The following VSIG10 variants were observed in gnomAD, a reference collection of about 807,000 sequenced individuals.
The protein encoded by VSIG10 is V-set and immunoglobulin domain-containing protein 10.
VSIG10 carries 48 observed loss-of-function variants against 58.7 expected under a neutral mutation model. That is an observed-to-expected ratio of 0.82 (90% CI 0.65 to 1.04). The LOEUF is 1.04. Among genes scored for constraint, VSIG10 ranks in the 50% least tolerant of loss-of-function variants. The probability of loss-of-function intolerance (pLI) is 0.00; values close to 1 mark genes in which losing one functional copy is unlikely to be tolerated. For missense variants in VSIG10, 628 were observed against 670.0 expected (o/e 0.94, Z 0.69); for synonymous variants, 260 against 267.1 (o/e 0.97, Z 0.26).
At chr12:118,066,835 G>T in intron 8 of VSIG10, 141 bp from the exon 9 acceptor site, 3 of 888,226 alleles carry the variant, frequency 3.4e-6, no homozygotes, top group Admixed American at 5.0e-5. Flanking sequence ...GTAGGGCAGC[G>T]TGTGTTTTCC....
chr12:118,083,861 C>A (rs1333057135), intron 2 of VSIG10, among the ~76,000 whole-genome samples: 2 of 151,984 alleles, frequency 1.3e-5, no homozygotes, highest in African/African-American at 4.8e-5. Flanking sequence ...GTGGCTCATG[C>A]CTGCAATCCT....
At position 118,066,492 on chromosome 12, in the gene VSIG10, CTTGGT is replaced by C. The variant is rs1452099484; in HGVS notation, c.*142_*146del. On this transcript the variant is annotated 3_prime_UTR_variant, in exon 9 of 9. Coordinates refer to ENST00000359236, the MANE Select transcript of VSIG10 (RefSeq NM_019086.6). ...ATACATGGAAGGAAAGATGTGTGTG[CTTGGT>C]TTTGTTTTTTGCTGAGACCCAAACA... 3 of 769,416 alleles carry C rather than the reference CTTGGT, an allele frequency of 3.9e-6. No individual in the cohort carries two copies. Among genetic ancestry groups the C allele is most frequent in the Non-Finnish European group, 6.8e-6 (3 of 438,086 alleles). The allele number at this position is 769,416 out of a possible 1,614,324, so 47.7% of individuals were successfully genotyped here.
intron 1 of VSIG10, among the ~76,000 whole-genome samples, chr12:118,100,271 A>G (rs1229326283): frequency 2.6e-5 from 4 of 151,604 alleles, no homozygotes; most frequent in African/African-American, 7.3e-5. Flanking sequence ...TTGGGAGGCC[A>G]AGGTGGGCAA....
rs1285226770 is a variant in VSIG10 at position 118,064,111 on chromosome 12, T to C, written c.*2528A>G. The C allele has an allele frequency of 6.6e-6, 1 of 152,232 alleles. No homozygotes were observed. Among genetic ancestry groups the C allele is most frequent in the African/African-American group, 2.4e-5 (1 of 41,462 alleles). 9.4% of individuals were successfully genotyped at this position (152,232 alleles called of 1,614,324 possible). On this transcript the variant is annotated 3_prime_UTR_variant, in exon 9 of 9. Coordinates refer to ENST00000359236, the MANE Select transcript of VSIG10 (RefSeq NM_019086.6). Reference sequence around the variant, plus strand: ...ACAACTTGGACTTTGCCACACAAACTGTAATCCACTGTCAACAAGCTTGTG... The same window carrying C: ...ACAACTTGGACTTTGCCACACAAACCGTAATCCACTGTCAACAAGCTTGTG...
intron 1 of VSIG10, 108 bp from the exon 2 acceptor site, chr12:118,095,922 TC>T (rs377540853): frequency 8.3e-5 from 96 of 1,159,062 alleles, no homozygotes; most frequent in Non-Finnish European, 9.3e-5. Flanking sequence ...AGGTATATGT[TC>T]TTTTTTTTTT....
At chr12:118,082,872 G>A (rs543873286) in intron 2 of VSIG10, among the ~76,000 whole-genome samples, 72 of 151,626 alleles carry the variant, frequency 4.7e-4, no homozygotes, top group African/African-American at 1.7e-3. Flanking sequence ...CAGCACTTTA[G>A]GAGGCCAAGG....
Position 118,065,735 on chromosome 12 carries a change from T to C in VSIG10, c.*904A>G, listed in dbSNP as rs2032223679. The C allele has an allele frequency of 6.6e-6, 1 of 152,232 alleles. No individual in the cohort carries two copies. Among genetic ancestry groups the C allele is most frequent in the African/African-American group, 2.4e-5 (1 of 41,454 alleles). 9.4% of individuals were successfully genotyped at this position (152,232 alleles called of 1,614,324 possible). The stretch of plus-strand genomic sequence containing the variant: ...GATATTTTTCAATAAATGGATTATG[T>C]TTTTCAATGAATGGATCTTACAAAG... On this transcript the variant is annotated 3_prime_UTR_variant, in exon 9 of 9. Coordinates refer to ENST00000359236, the MANE Select transcript of VSIG10 (RefSeq NM_019086.6).
chr12:118,069,785 G>A (rs1391136962), intron 7 of VSIG10, among the ~76,000 whole-genome samples: 2 of 152,180 alleles, frequency 1.3e-5, no homozygotes, highest in African/African-American at 4.8e-5. Flanking sequence ...ACCTGCCCGA[G>A]GAGCTGTGTT....
chr12:118,089,459 G>A (rs573538025), intron 2 of VSIG10, among the ~76,000 whole-genome samples: 1 of 152,272 alleles, frequency 6.6e-6, no homozygotes, highest in East Asian at 1.9e-4. Context: ...CCCCACTGTG[G>A]ATAAAAGATA....
At chr12:118,100,575 G>C (rs1249720077) in intron 1 of VSIG10, among the ~76,000 whole-genome samples, 1 of 151,994 alleles carries the variant, frequency 6.6e-6, no homozygotes, top group Admixed American at 6.6e-5. Context: ...CTGTTGCCTA[G>C]GCTGGAGTGC....
intron 3 of VSIG10, among the ~76,000 whole-genome samples, chr12:118,081,742 C>T (rs912813165): frequency 7.2e-5 from 11 of 152,046 alleles, no homozygotes; most frequent in Non-Finnish European, 1.5e-4. Flanking sequence ...GGAGGCCGGG[C>T]GCAGTGGCTC....
chr12:118,095,528 C>A lies in VSIG10; in HGVS notation c.361+5G>T. ...CCAGCCCCGGTCCCTGCCAGCCCCACTTACTGGCCACCTGCAGCCACACTT... is the reference window on the plus strand; with the variant it reads ...CCAGCCCCGGTCCCTGCCAGCCCCAATTACTGGCCACCTGCAGCCACACTT... On this transcript the variant is annotated splice_donor_5th_base_variant and intron_variant, in intron 2 of 8. Coordinates refer to ENST00000359236, the MANE Select transcript of VSIG10 (RefSeq NM_019086.6). 1 of 1,613,718 alleles carries A rather than the reference C, an allele frequency of 6.2e-7. No homozygotes were observed. Among genetic ancestry groups the A allele is most frequent in the South Asian group, 1.1e-5 (1 of 91,072 alleles).
At chr12:118,090,119 G>C (rs12424964) in intron 2 of VSIG10, among the ~76,000 whole-genome samples, 16 of 152,226 alleles carry the variant, frequency 1.1e-4, no homozygotes, top group African/African-American at 3.9e-4. Flanking sequence ...TTCAAGACCA[G>C]CCTGGCCAAC....
At chr12:118,072,916 T>G (rs1341356804) in intron 5 of VSIG10, among the ~76,000 whole-genome samples, 1 of 152,186 alleles carries the variant, frequency 6.6e-6, no homozygotes, top group East Asian at 1.9e-4. Context: ...CACTTATACT[T>G]AAAAGTATTT....
chr12:118,091,730 G>T (rs1038009150), intron 2 of VSIG10, among the ~76,000 whole-genome samples: 1 of 151,928 alleles, frequency 6.6e-6, no homozygotes, highest in Non-Finnish European at 1.5e-5. Context: ...GATCACATGG[G>T]TATTTCCCTA....
At chr12:118,103,299 C>G (rs1034778352) in intron 1 of VSIG10, 11 of 343,340 alleles carry the variant, frequency 3.2e-5, no homozygotes, top group Non-Finnish European at 4.7e-5. Context: ...TCCCGGCACA[C>G]GTGCCTCTTT....
chr12:118,103,407 C>G (rs1008613768), intron 1 of VSIG10, among the ~76,000 whole-genome samples, 186 bp downstream of exon 1: 1 of 152,156 alleles, frequency 6.6e-6, no homozygotes, highest in Non-Finnish European at 1.5e-5. Context: ...ACCGGGCGCC[C>G]GGGAAAACTC....
intron 3 of VSIG10, 110 bp downstream of exon 3, chr12:118,082,017 T>TAAAA (rs11413291): frequency 3.7e-4 from 312 of 849,458 alleles, no homozygotes; most frequent in African/African-American, 3.5e-3. Flanking sequence ...AACTCCATCT[T>TAAAA]AAAAAAAAAA....
At chr12:118,089,629 C>A (rs942936884) in intron 2 of VSIG10, among the ~76,000 whole-genome samples, 4 of 152,108 alleles carry the variant, frequency 2.6e-5, no homozygotes, top group Non-Finnish European at 5.9e-5. Flanking sequence ...TCATTCCTGG[C>A]ATCACCCAGG....
Sources: allele counts gnomAD v4.1 joint callset (sites outside exome capture counted in the v4.1 genomes callset), GRCh38; gene constraint gnomAD v4.1.1; transcripts MANE v1.5; gene names NCBI Gene and HGNC (gene_info 2026-07-23, HGNC 2026-07-21).